Variants in OXGR1 observed in about 807,000 individuals in gnomAD.
The protein encoded by OXGR1 is 2-oxoglutarate receptor 1.
In OXGR1, 10 loss-of-function variants were observed where a neutral mutation model predicts 10.0. The observed-to-expected ratio is 1.00, with a 90% confidence interval of 0.62 to 1.70. The LOEUF (loss-of-function observed/expected upper bound fraction) is 1.70, where lower values mean the gene tolerates loss of function less well. OXGR1 is among the 40% of genes most tolerant of loss of function. OXGR1 has a pLI of 0.00. For missense variants in OXGR1, 398 were observed against 407.6 expected, an observed-to-expected ratio of 0.98 and a Z score of 0.20; for synonymous variants, 191 against 155.9, an observed-to-expected ratio of 1.22 and a Z score of -1.68.
At chr13:96,990,352 T>G (rs920871231) in intron 2 of OXGR1, among the ~76,000 whole-genome samples, 5 of 152,140 alleles carry the variant, frequency 3.3e-5, no homozygotes, top group African/African-American at 1.2e-4. Context: ...AGCAAAGAAG[T>G]AAAGATAGTT....
chr13:96,987,454 T>G lies in OXGR1; in HGVS notation c.306A>C (p.Gly102=). ...YYASGENWIF[G]DFMCKFIRFS... ...AGCGGATAAACTTACACATGAAATC[T>G]CCAAAGATCCAGTTTTCGCCACTGG... The change falls in exon 4 of 4, where the codon GGA becomes GGC. Residue 102 remains glycine, a synonymous_variant. Coordinates refer to ENST00000541038, the MANE Select transcript of OXGR1 (RefSeq NM_001346194.2). The G allele has an allele frequency of 6.2e-7, 1 of 1,614,116 alleles. No homozygotes were observed. The highest frequency in any genetic ancestry group is 1.1e-5 in the South Asian group (1 of 91,072).
chr13:96,989,475 G>A (rs1446036642), intron 3 of OXGR1, among the ~76,000 whole-genome samples: 1 of 152,168 alleles, frequency 6.6e-6, no homozygotes, highest in East Asian at 1.9e-4. Context: ...AAAAATAATA[G>A]TGCCTTCTGT....
chr13:96,992,344 AT>A (rs1378925439), intron 2 of OXGR1, 77 bp downstream of exon 2: 2 of 152,202 alleles, frequency 1.3e-5, no homozygotes, highest in African/African-American at 2.4e-5. Context: ...AAAATATCTC[AT>A]GTACCCCATA....
chr13:96,986,685 T>A lies in OXGR1; in HGVS notation c.*61A>T, dbSNP rs1269417622. 2 of 1,511,502 alleles carry A rather than the reference T, an allele frequency of 1.3e-6. No homozygotes were observed. The highest frequency in any genetic ancestry group is 8.9e-7 in the Non-Finnish European group (1 of 1,126,416). 93.6% of individuals were successfully genotyped at this position (1,511,502 alleles called of 1,614,324 possible). On this transcript the variant is annotated 3_prime_UTR_variant, in exon 4 of 4. Coordinates refer to ENST00000541038, the MANE Select transcript of OXGR1 (RefSeq NM_001346194.2). The stretch of plus-strand genomic sequence containing the variant: ...TCCATTGAGGGAGACATCCTGAACA[T>A]CTTAGGATGCTAGGTAAAGTATCAG...
rs199833547 is a variant in OXGR1 at position 96,987,586 on chromosome 13, G to A, written c.174C>T (p.Tyr58=). Residue 58 remains tyrosine (Y), a synonymous_variant, in exon 4 of 4, where the codon TAC becomes TAT. Transcript: ENST00000541038. ...TCTTCCAAGGTCTCATTTTGAAAATGTAAGTGGATATCACTACTGCATTGC... is the reference window on the plus strand; with the variant it reads ...TCTTCCAAGGTCTCATTTTGAAAATATAAGTGGATATCACTACTGCATTGC... ...FPGNAVVIST[Y]IFKMRPWKSS... is the part of the protein sequence containing the mutation. 8.1e-6 allele frequency: 13 copies of A among 1,614,150 alleles called. No individual in the cohort carries two copies. The East Asian group carries it at 2.9e-4, about 36-fold the overall frequency.
At chr13:96,990,846 G>T (rs916187447) in intron 2 of OXGR1, among the ~76,000 whole-genome samples, 11 of 151,486 alleles carry the variant, frequency 7.3e-5, no homozygotes, top group Non-Finnish European at 1.6e-4. Context: ...CTACTTGGGA[G>T]GCTGAGGCAC....
Position 96,987,472 on chromosome 13 carries a change from G to C in OXGR1, c.288C>G (p.Gly96=). The change falls in exon 4 of 4, where the codon GGC becomes GGG. Residue 96 remains glycine, a synonymous_variant. Coordinates refer to ENST00000541038, the MANE Select transcript of OXGR1 (RefSeq NM_001346194.2). ...LPFLIHYYAS[G]ENWIFGDFMC... is the part of the protein sequence containing the mutation. Reference sequence around the variant, plus strand: ...TGAAATCTCCAAAGATCCAGTTTTCGCCACTGGCATAGTAGTGAATCAGGA... The same window carrying C: ...TGAAATCTCCAAAGATCCAGTTTTCCCCACTGGCATAGTAGTGAATCAGGA... 2 of 1,614,128 alleles carry C rather than the reference G, an allele frequency of 1.2e-6. No homozygotes were observed. Among genetic ancestry groups the C allele is most frequent in the South Asian group, 1.1e-5 (1 of 91,070 alleles).
At chr13:96,990,006 T>C (rs1881973409) in intron 2 of OXGR1, among the ~76,000 whole-genome samples, 197 bp from the exon 3 acceptor site, 1 of 152,222 alleles carries the variant, frequency 6.6e-6, no homozygotes, top group African/African-American at 2.4e-5. Context: ...ACACTTAACC[T>C]ATGCCCATCC....
In OXGR1 at chr13:96,986,810, A is replaced by ACTGCTCACTG. The variant is rs1300359855; in HGVS notation, c.949_950insCAGTGAGCAG (p.Val317AlafsTer13). ...AAGGTTCCCGCTTACTTTGCATCTC[A>ACTGCTCACTG]CTGTTGAGCAGACAGCCTGCTGAAA... On this transcript the variant is annotated frameshift_variant, in exon 4 of 4. Coordinates refer to ENST00000541038, the MANE Select transcript of OXGR1 (RefSeq NM_001346194.2). LOFTEE classifies it low-confidence loss of function (END_TRUNC). 1 of 1,614,022 alleles carries ACTGCTCACTG rather than the reference A, an allele frequency of 6.2e-7. No homozygotes were observed. The highest frequency in any genetic ancestry group is 8.5e-7 in the Non-Finnish European group (1 of 1,179,994).
Position 96,987,378 on chromosome 13 carries a change from T to C in OXGR1, c.382A>G (p.Ser128Gly). ...YSSILFLTCF[S>G]IFRYCVIIHP... ...ATGATCACACAGTAGCGGAAGATGC[T>C]GAAACAGGTGAGGAAGAGGATGCTG... The change falls in exon 4 of 4, where the codon AGC becomes GGC. Residue 128 changes from serine (S) to glycine (G), a missense_variant. Transcript: ENST00000541038. 1 of 1,614,120 alleles carries C rather than the reference T, an allele frequency of 6.2e-7. No individual in the cohort carries two copies. Among genetic ancestry groups the C allele is most frequent in the Non-Finnish European group, 8.5e-7 (1 of 1,180,026 alleles).
At chr13:96,991,369 T>C (rs1055872762) in intron 2 of OXGR1, among the ~76,000 whole-genome samples, 4 of 152,202 alleles carry the variant, frequency 2.6e-5, no homozygotes, top group African/African-American at 9.6e-5. Flanking sequence ...GAACACCAGA[T>C]GGTCCACAAA....
chr13:96,986,685 T>C lies in OXGR1; in HGVS notation c.*61A>G, dbSNP rs1269417622. ...TCCATTGAGGGAGACATCCTGAACA[T>C]CTTAGGATGCTAGGTAAAGTATCAG... On this transcript the variant is annotated 3_prime_UTR_variant, in exon 4 of 4. Coordinates refer to ENST00000541038, the MANE Select transcript of OXGR1 (RefSeq NM_001346194.2). The C allele has an allele frequency of 2.6e-6, 4 of 1,511,502 alleles. No individual in the cohort carries two copies. The highest frequency in any genetic ancestry group is 3.6e-6 in the Non-Finnish European group (4 of 1,126,416). 93.6% of individuals were successfully genotyped at this position (1,511,502 alleles called of 1,614,324 possible).
chr13:96,990,723 C>A (rs1372655218), intron 2 of OXGR1, among the ~76,000 whole-genome samples: 1 of 152,034 alleles, frequency 6.6e-6, no homozygotes, highest in African/African-American at 2.4e-5. Context: ...GCAGGCGGAT[C>A]GCCCAAGGTC....
Position 96,986,766 on chromosome 13 carries a change from T to C in OXGR1, c.994A>G (p.Ser332Gly). The C allele has an allele frequency of 1.2e-6, 2 of 1,607,600 alleles. No homozygotes were observed. Among genetic ancestry groups the C allele is most frequent in the Non-Finnish European group, 1.7e-6 (2 of 1,177,938 alleles). Residue 332 changes from serine to glycine, a missense_variant, in exon 4 of 4, where the codon AGT becomes GGT. Transcript: ENST00000541038. ...ATATTTCAAGGGTTGTTTGAGTAAC[T>C]AATTTTCTTTGCTTGCTCAAGGTTC... is the stretch of plus-strand genomic sequence containing the variant. ...SGNLEQAKKI[S>G]YSNNP
rs1371508688 is a variant in OXGR1, at chr13:96,994,298, C to G, written c.-278G>C. The G allele has an allele frequency of 6.5e-6, 1 of 152,696 alleles. No homozygotes were observed. Among genetic ancestry groups the G allele is most frequent in the Non-Finnish European group, 1.5e-5 (1 of 68,442 alleles). 9.5% of individuals were successfully genotyped at this position (152,696 alleles called of 1,614,324 possible). A position where few individuals can be genotyped will look rare whatever the true frequency, so the allele number is the denominator to read the frequency against. On this transcript the variant is annotated splice_region_variant and 5_prime_UTR_variant, in exon 1 of 4. Coordinates refer to ENST00000541038, the MANE Select transcript of OXGR1 (RefSeq NM_001346194.2). ...CGCTCCCCGATCACGCGCGGCTCAC[C>G]TGGCAGCCCCGGCGAGGCGGACATG...
At chr13:96,991,452 C>G (rs887819368) in intron 2 of OXGR1, among the ~76,000 whole-genome samples, 2 of 152,324 alleles carry the variant, frequency 1.3e-5, no homozygotes, top group African/African-American at 4.8e-5. Context: ...TCTCTTTCTA[C>G]AACAGTAGTT....
chr13:96,987,972 G>C (rs1881866798), intron 3 of OXGR1, 139 bp from the exon 4 acceptor site: 2 of 464,880 alleles, frequency 4.3e-6, no homozygotes, highest in African/African-American at 4.0e-5. Flanking sequence ...AGAAGAAATT[G>C]AATTTCCAAG....
At chr13:96,989,599 G>A (rs561982656) in intron 3 of OXGR1, among the ~76,000 whole-genome samples, 159 bp downstream of exon 3, 102 of 152,338 alleles carry the variant, frequency 6.7e-4, no homozygotes, top group African/African-American at 2.3e-3. Flanking sequence ...ACTGAGGCAC[G>A]GAGGAGGCAG....
Position 96,986,831 on chromosome 13 carries a change from T to C in OXGR1, c.929A>G (p.Gln310Arg), listed in dbSNP as rs947372497. ...LLYVVVSDNFQQAVCSTVRCK... is the reference protein window; with the variant it reads ...LLYVVVSDNFRQAVCSTVRCK... ...TCTCACTGTTGAGCAGACAGCCTGC[T>C]GAAAGTTGTCGCTGACCACCACATA... The change falls in exon 4 of 4, where the codon CAG (glutamine) becomes CGG (arginine). Residue 310 changes from glutamine (Q) to arginine (R), a missense_variant. Gln to Arg is a conservative substitution (Grantham distance 43). Transcript: ENST00000541038. 12 of 1,614,084 alleles carry C rather than the reference T, an allele frequency of 7.4e-6. No homozygotes were observed. Among genetic ancestry groups the C allele is most frequent in the Non-Finnish European group, 1.0e-5 (12 of 1,180,038 alleles).
Sources: allele counts gnomAD v4.1 joint callset (sites outside exome capture counted in the v4.1 genomes callset), GRCh38; gene constraint gnomAD v4.1.1; transcripts MANE v1.5; gene names NCBI Gene and HGNC (gene_info 2026-07-23, HGNC 2026-07-21).